Variants in DAB1 observed in about 807,000 individuals in gnomAD.
DAB1 encodes the protein disabled homolog 1.
In DAB1, 15 loss-of-function variants were observed where a neutral mutation model predicts 64.6. The ratio of observed to expected loss-of-function variants is 0.23; its 90% CI spans 0.16 to 0.36. The LOEUF (loss-of-function observed/expected upper bound fraction) is 0.36, where lower values mean the gene tolerates loss of function less well. DAB1 is among the 10% of genes least tolerant of loss of function. The pLI, the probability that DAB1 is intolerant of heterozygous loss-of-function variation, is 1.00. For synonymous variants in DAB1, 235 were observed against 251.9 expected, an observed-to-expected ratio of 0.93 and a Z score of 0.64; for missense variants, 596 against 706.7, an observed-to-expected ratio of 0.84 and a Z score of 1.78.
chr1:57,339,930 G>T (rs1193548257), intron 1 of DAB1, among the ~76,000 whole-genome samples: 5 of 152,114 alleles, frequency 3.3e-5, no homozygotes, highest in Admixed American at 3.3e-4. Context: ...CGCCAGGGAG[G>T]TAGAGCTCGG....
intron 1 of DAB1, among the ~76,000 whole-genome samples, chr1:57,419,803 C>T (rs1430113384): frequency 6.6e-6 from 1 of 152,208 alleles, no homozygotes; most frequent in African/African-American, 2.4e-5. Context: ...GCCAAGGCCA[C>T]ACAGCTTACA....
chr1:57,201,192 A>G (rs1377608185), intron 2 of DAB1, among the ~76,000 whole-genome samples: 3 of 152,180 alleles, frequency 2.0e-5, no homozygotes, highest in African/African-American at 4.8e-5. Context: ...GGCTTTATCA[A>G]TGACACCCCC....
chr1:58,480,903 G>T, intron 3 of DAB1: 7 of 728,056 alleles, frequency 9.6e-6, no homozygotes, highest in South Asian at 1.9e-5. Context: ...TTTTTAAAAA[G>T]TAACATAAAA....
chr1:58,016,357 A>G (rs11207153), intron 5 of DAB1, among the ~76,000 whole-genome samples: 27,692 of 152,014 alleles, frequency 0.18, 2,995 homozygotes, highest in African/African-American at 0.29. Flanking sequence ...ACTGTTTGCC[A>G]ATTTCCCATT....
intron 4 of DAB1, among the ~76,000 whole-genome samples, chr1:58,279,821 G>C (rs182636433): frequency 0.044 from 6,737 of 152,222 alleles, 211 homozygotes; most frequent in Middle Eastern, 0.083. Flanking sequence ...GCTGTGAAGA[G>C]GAGGTTTTCT....
In DAB1 at chr1:58,299,316, TA is replaced by T. The variant is rs577775450; in HGVS notation, n.309+44035del. Among the ~76,000 whole-genome samples the T allele has an allele frequency of 3.2e-3, 494 of 152,316 alleles. 1 individual carries two copies. The highest frequency in any genetic ancestry group is 0.011 in the African/African-American group (457 of 41,568). On this transcript the variant is annotated intron_variant and non_coding_transcript_variant, in intron 4 of 20. Transcript: ENST00000485760. ...AAAGAGTATGTCCTTCCCACAGTCC[TA>T]AGCGAGGAGGTATGATGGTTTACTT...
chr1:57,302,894 C>G (rs1673784543), intron 1 of DAB1, among the ~76,000 whole-genome samples: 1 of 152,182 alleles, frequency 6.6e-6, no homozygotes, highest in South Asian at 2.1e-4. Context: ...GTTGGGCACG[C>G]TATTTAACTC....
chr1:58,008,744 A>G (rs958068290), intron 5 of DAB1, among the ~76,000 whole-genome samples: 2 of 152,182 alleles, frequency 1.3e-5, no homozygotes, highest in East Asian at 1.9e-4. Flanking sequence ...GTTTAGTTTC[A>G]TGCCAATCCA....
chr1:57,082,745 T>C (rs1652671980), intron 4 of DAB1, among the ~76,000 whole-genome samples: 1 of 152,164 alleles, frequency 6.6e-6, no homozygotes, highest in African/African-American at 2.4e-5. Context: ...GTTCTAATTG[T>C]TCAGCTCCCA....
intron 5 of DAB1, among the ~76,000 whole-genome samples, chr1:58,049,575 T>G (rs1490526389): frequency 1.3e-5 from 2 of 152,120 alleles, no homozygotes; most frequent in Non-Finnish European, 2.9e-5. Flanking sequence ...TTTGATTAGC[T>G]GGAGAAAATT....
intron 5 of DAB1, among the ~76,000 whole-genome samples, chr1:57,909,855 C>G (rs1304054878): frequency 6.6e-6 from 1 of 152,330 alleles, no homozygotes; most frequent in African/African-American, 2.4e-5. Context: ...ACAATCAACT[C>G]AGACTGAAGG....
intron 4 of DAB1, among the ~76,000 whole-genome samples, chr1:58,231,033 G>A (rs967519228): frequency 1.3e-5 from 2 of 152,186 alleles, no homozygotes; most frequent in South Asian, 2.1e-4. Context: ...CAATGGGGAC[G>A]ATTATAGTGC....
chr1:57,548,698 T>C (rs1644882030), intron 7 of DAB1, among the ~76,000 whole-genome samples: 1 of 152,196 alleles, frequency 6.6e-6, no homozygotes, highest in South Asian at 2.1e-4. Flanking sequence ...TTTTACATAG[T>C]GCTGGAGCCT....
rs71043292 is a variant in DAB1, at chr1:58,541,293, C to CAAAAAAAAAAAAA, written n.32+5397_32+5409dup. ...TGGGCAACAGAGTGAGACTCTGTCT[C>CAAAAAAAAAAAAA]AAAAAAAAAAAAAAAAAAAAAAAAA... On this transcript the variant is annotated intron_variant and non_coding_transcript_variant, in intron 1 of 20. Transcript: ENST00000485760. 7.3e-5 allele frequency among the ~76,000 whole-genome samples: 2 copies of CAAAAAAAAAAAAA among 27,572 alleles called. 1 individual carries two copies. 18.1% of individuals were successfully genotyped at this position (27,572 alleles called of 152,430 possible).
rs571412598 is a variant in DAB1, at chr1:58,161,344, G to A, written n.310-10756C>T. Among the ~76,000 whole-genome samples, 14 of 152,262 alleles carry A rather than the reference G, an allele frequency of 9.2e-5. No homozygotes were observed. In the South Asian group the frequency reaches 2.3e-3, roughly 25 times the overall value. ...AGTAGCCTGGGAAGTGGAATAAAAC[G>A]ATTTTTATTTCTAGGACTTGGGAAT... On this transcript the variant is annotated intron_variant and non_coding_transcript_variant, in intron 4 of 20. Coordinates refer to the DAB1 transcript ENST00000485760.
intron 5 of DAB1, among the ~76,000 whole-genome samples, chr1:57,891,267 A>C (rs1644309677): frequency 6.6e-6 from 1 of 152,244 alleles, no homozygotes; most frequent in Admixed American, 6.5e-5. Flanking sequence ...AAAGCTCGTC[A>C]TCACTGGTCA....
chr1:57,536,357 T>A lies in DAB1; in HGVS notation n.625+113235A>T, dbSNP rs142216225. ...AAAAGGATTTTGACAGATGGGATCA[T>A]TCGAATCAGTGTTATTGTCTTAAAA... On this transcript the variant is annotated intron_variant and non_coding_transcript_variant, in intron 7 of 20. Coordinates refer to the DAB1 transcript ENST00000485760. Among the ~76,000 whole-genome samples, 1,016 of 152,318 alleles carry A rather than the reference T, an allele frequency of 6.7e-3. 9 individuals are homozygous for A. Among genetic ancestry groups the A allele is most frequent in the African/African-American group, 0.024 (980 of 41,556 alleles).
intron 5 of DAB1, among the ~76,000 whole-genome samples, chr1:58,019,263 C>T (rs1392560643): frequency 6.6e-6 from 1 of 152,140 alleles, no homozygotes; most frequent in African/African-American, 2.4e-5. Flanking sequence ...CTTTGGCCAG[C>T]TATAGAGGCC....
intron 4 of DAB1, among the ~76,000 whole-genome samples, chr1:58,318,668 T>C (rs1426443491): frequency 6.6e-6 from 1 of 152,214 alleles, no homozygotes; most frequent in Non-Finnish European, 1.5e-5. Context: ...GGTTTCTGAT[T>C]CCCTAAGCCA....
Sources: gnomAD v4.1 joint callset for allele counts (sites outside exome capture counted in the v4.1 genomes callset) on GRCh38, gnomAD v4.1.1 for gene constraint, MANE v1.5 for transcripts, NCBI Gene and HGNC (gene_info 2026-07-23, HGNC 2026-07-21) for gene names.